RYR2: variants seen among roughly 807,000 people sequenced by gnomAD.
The protein encoded by RYR2 is ryanodine receptor 2, also known as cardiac muscle ryanodine receptor-calcium release channel.
In RYR2, 227 loss-of-function variants were observed where a neutral mutation model predicts 601.1. That is an observed-to-expected ratio of 0.38 (90% CI 0.34 to 0.42). The LOEUF is 0.42. Among genes scored for constraint, RYR2 ranks in the 10% least tolerant of loss-of-function variants. The pLI, the probability that RYR2 is intolerant of heterozygous loss-of-function variation, is 1.00. For synonymous variants in RYR2, 2,223 were observed against 2,175.1 expected (o/e 1.02, Z -0.61); for missense variants, 4,646 against 6,156.5 (o/e 0.75, Z 8.21).
intron 8 of RYR2, among the ~76,000 whole-genome samples, chr1:237,379,602 C>A (rs1701285777): frequency 6.6e-6 from 1 of 152,094 alleles, no homozygotes; most frequent in Non-Finnish European, 1.5e-5. Context: ...AAGTGATTTC[C>A]AAACTACATT....
intron 80 of RYR2, among the ~76,000 whole-genome samples, chr1:237,743,143 T>G (rs888067917): frequency 9.8e-5 from 15 of 152,294 alleles, no homozygotes; most frequent in Admixed American, 5.2e-4. Context: ...TCTTTTCCTT[T>G]TAATTTACAT....
At chr1:237,791,323 T>C (rs998588578) in intron 92 of RYR2, 106 bp from the exon 93 acceptor site, 2 of 691,526 alleles carry the variant, frequency 2.9e-6, no homozygotes, top group Non-Finnish European at 5.3e-6. Flanking sequence ...AACAGTAGGC[T>C]TGCGATCAAT....
At chr1:237,589,138 G>A (rs981301) in intron 29 of RYR2, among the ~76,000 whole-genome samples, 78,068 of 152,016 alleles carry the variant, frequency 0.51, 20,376 homozygotes, top group South Asian at 0.66. Flanking sequence ...CATTATAAAT[G>A]TACCTCATTC....
intron 2 of RYR2, among the ~76,000 whole-genome samples, chr1:237,311,723 C>T (rs558328468): frequency 6.6e-6 from 1 of 152,116 alleles, no homozygotes; most frequent in Admixed American, 6.5e-5. Context: ...AAGTAACCCA[C>T]CTGCCTCTGC....
At chr1:237,097,046 T>G (rs1667573586) in intron 1 of RYR2, among the ~76,000 whole-genome samples, 2 of 152,240 alleles carry the variant, frequency 1.3e-5, no homozygotes, top group Non-Finnish European at 2.9e-5. Context: ...TGGGGTTGAC[T>G]AATGGCCTCC....
At chr1:237,234,025 T>G (rs2149202242) in intron 1 of RYR2, among the ~76,000 whole-genome samples, 1 of 152,182 alleles carries the variant, frequency 6.6e-6, no homozygotes, top group Middle Eastern at 3.4e-3. Flanking sequence ...GGGTCAAATT[T>G]TTGAGGACCT....
intron 1 of RYR2, among the ~76,000 whole-genome samples, chr1:237,133,537 T>C (rs1299609558): frequency 6.6e-6 from 1 of 152,192 alleles, no homozygotes; most frequent in Non-Finnish European, 1.5e-5. Context: ...GTCTTTATTG[T>C]AATTTATGCA....
intron 1 of RYR2, among the ~76,000 whole-genome samples, chr1:237,105,999 T>C (rs1668635609): frequency 6.6e-6 from 1 of 151,978 alleles, no homozygotes; most frequent in Non-Finnish European, 1.5e-5. Flanking sequence ...GGAGTGTGCC[T>C]GGAGACTCTA....
chr1:237,314,885 A>G (rs1694957276), intron 2 of RYR2, among the ~76,000 whole-genome samples: 1 of 152,202 alleles, frequency 6.6e-6, no homozygotes, highest in South Asian at 2.1e-4. Context: ...TTGTGGCACA[A>G]TGAAATTAAC....
intron 65 of RYR2, 97 bp from the exon 66 acceptor site, chr1:237,701,881 A>G (rs1687997283): frequency 1.5e-6 from 1 of 653,264 alleles, no homozygotes; most frequent in Non-Finnish European, 2.7e-6. Flanking sequence ...GATGAATAGT[A>G]TATAGCCTAA....
chr1:237,102,190 G>A (rs116555759), intron 1 of RYR2, among the ~76,000 whole-genome samples: 1,667 of 152,310 alleles, frequency 0.011, 35 homozygotes, highest in African/African-American at 0.038. Flanking sequence ...GGAGCTTGAG[G>A]AACAGGACAG....
At chr1:237,307,123 G>A (rs1320357374) in intron 2 of RYR2, among the ~76,000 whole-genome samples, 1 of 151,898 alleles carries the variant, frequency 6.6e-6, no homozygotes, top group South Asian at 2.1e-4. Context: ...TCTTTTCTAC[G>A]TAAAAGCTCT....
Position 237,643,341 on chromosome 1 carries a change from G to A in RYR2, c.7236G>A (p.Gly2412=), listed in dbSNP as rs1553265780. The A allele has an allele frequency of 3.1e-6, 5 of 1,613,514 alleles. No individual in the cohort carries two copies. The highest frequency in any genetic ancestry group is 4.2e-6 in the Non-Finnish European group (5 of 1,179,718). The change falls in exon 48 of 105, where the codon GGG becomes GGA. Residue 2412 remains glycine (G), a synonymous_variant. Coordinates refer to ENST00000366574, the MANE Select transcript of RYR2 (RefSeq NM_001035.3). ...CCCCTGTATAGTTGATTCATGCCGG[G>A]AAGGGAGAAGCCATCAGAATTAGGT... The part of the protein sequence containing the change: ...CAPEMHLIHA[G]KGEAIRIRSI...
rs977912900 is a variant in RYR2, at chr1:237,163,021, T to C, written c.49-107476T>C. Among the ~76,000 whole-genome samples, 13 of 152,208 alleles carry C rather than the reference T, an allele frequency of 8.5e-5. 1 individual carries two copies. Among genetic ancestry groups the C allele is most frequent in the Admixed American group, 5.9e-4 (9 of 15,276 alleles). On this transcript the variant is annotated intron_variant, in intron 1 of 104. Coordinates refer to ENST00000366574, the MANE Select transcript of RYR2 (RefSeq NM_001035.3). ...GCTTATCCAGTGCTATTTGATATTA[T>C]AGTTATTATGTACTCTTTATGGACT...
At chr1:237,350,602 A>AAAAAAAAGAT (rs1558665984) in intron 3 of RYR2, among the ~76,000 whole-genome samples, 1 of 37,008 alleles carries the variant, frequency 2.7e-5, no homozygotes, top group Non-Finnish European at 5.0e-5. Flanking sequence ...AAAAAAAAAA[A>AAAAAAAAGAT]ATATATATAT....
chr1:237,295,966 T>C (rs1692738128), intron 2 of RYR2, among the ~76,000 whole-genome samples: 1 of 152,190 alleles, frequency 6.6e-6, no homozygotes, highest in Admixed American at 6.5e-5. Context: ...TAATTAGTGA[T>C]GCATGTCATG....
intron 1 of RYR2, among the ~76,000 whole-genome samples, chr1:237,172,310 C>T (rs977657035): frequency 2.6e-5 from 4 of 152,124 alleles, no homozygotes; most frequent in Admixed American, 6.6e-5. Context: ...AAGGTTTTAT[C>T]ATTAACCTAG....
In RYR2 at chr1:237,550,557, G is replaced by A. The variant is rs730880190; in HGVS notation, c.3080G>A (p.Arg1027Lys). ...TYGIQQDVKN[R>K]RNPRLVPYTL... is the part of the protein sequence containing the mutation. The stretch of plus-strand genomic sequence containing the variant: ...GTTTTCCTGCAGGACGTAAAGAACA[G>A]AAGAAATCCTCGCCTTGTTCCCTAC... Residue 1027 changes from arginine to lysine, a missense_variant, in exon 27 of 105, where the codon AGA becomes AAA. Coordinates refer to ENST00000366574, the MANE Select transcript of RYR2 (RefSeq NM_001035.3). 3 of 1,609,712 alleles carry A rather than the reference G, an allele frequency of 1.9e-6. No individual in the cohort carries two copies. Among genetic ancestry groups the A allele is most frequent in the Non-Finnish European group, 2.5e-6 (3 of 1,178,084 alleles).
At chr1:237,377,003 T>C (rs1039234835) in intron 7 of RYR2, among the ~76,000 whole-genome samples, 3 of 152,082 alleles carry the variant, frequency 2.0e-5, no homozygotes, top group Admixed American at 2.0e-4. Flanking sequence ...TATAATGACA[T>C]GTGAGTGTGT....
Sources: gnomAD v4.1 joint callset for allele counts (sites outside exome capture counted in the v4.1 genomes callset) on GRCh38, gnomAD v4.1.1 for gene constraint, MANE v1.5 for transcripts, NCBI Gene and HGNC (gene_info 2026-07-23, HGNC 2026-07-21) for gene names.